DYRK1A: variants seen among roughly 807,000 people sequenced by gnomAD.
DYRK1A encodes the protein dual specificity tyrosine phosphorylation regulated kinase 1A.
A neutral mutation model predicts 79.7 loss-of-function variants in DYRK1A; 9 were observed. That is an observed-to-expected ratio of 0.11 (90% CI 0.07 to 0.20). The LOEUF is 0.20. DYRK1A is among the 10% of genes least tolerant of loss of function. The pLI is 1.00. For missense variants in DYRK1A, 622 were observed against 956.0 expected, an observed-to-expected ratio of 0.65 and a Z score of 4.61; for synonymous variants, 349 against 329.7, an observed-to-expected ratio of 1.06 and a Z score of -0.63.
intron 5 of DYRK1A, among the ~76,000 whole-genome samples, chr21:37,483,463 T>G (rs1424746570): frequency 6.6e-6 from 1 of 152,268 alleles, no homozygotes; most frequent in Non-Finnish European, 1.5e-5. Flanking sequence ...CTTCTTCCCA[T>G]GATTTGAAAG....
At chr21:37,454,546 A>G (rs2051571131) in intron 2 of DYRK1A, among the ~76,000 whole-genome samples, 1 of 152,228 alleles carries the variant, frequency 6.6e-6, no homozygotes, top group South Asian at 2.1e-4. Context: ...TTAGGTTATG[A>G]CCTCACATTT....
chr21:37,385,956 T>C (rs1165924252), intron 1 of DYRK1A, among the ~76,000 whole-genome samples: 1 of 150,874 alleles, frequency 6.6e-6, no homozygotes, highest in Admixed American at 6.6e-5. Context: ...TAGGAAACCT[T>C]CTTTGCACCC....
chr21:37,388,381 C>T (rs2049803360), intron 1 of DYRK1A, among the ~76,000 whole-genome samples: 1 of 151,914 alleles, frequency 6.6e-6, no homozygotes, highest in South Asian at 2.1e-4. Flanking sequence ...ACCAGCCTGA[C>T]CCTGCCTCTT....
At chr21:37,416,194 A>G (rs1288390502) in intron 1 of DYRK1A, among the ~76,000 whole-genome samples, 2 of 152,164 alleles carry the variant, frequency 1.3e-5, no homozygotes, top group Non-Finnish European at 2.9e-5. Context: ...CAACGTCTAT[A>G]AAATGCCTTA....
chr21:37,410,417 A>T (rs2050221704), intron 1 of DYRK1A, among the ~76,000 whole-genome samples: 1 of 152,254 alleles, frequency 6.6e-6, no homozygotes, highest in African/African-American at 2.4e-5. Context: ...GTTTATCATG[A>T]CAATTCTTTG....
intron 2 of DYRK1A, among the ~76,000 whole-genome samples, chr21:37,461,521 A>G (rs9980174): frequency 0.036 from 5,497 of 152,148 alleles, 145 homozygotes; most frequent in Middle Eastern, 0.068. Flanking sequence ...GTCTGGAATC[A>G]TTTTCCTTCT....
At chr21:37,382,990 T>G (rs2049688686) in intron 1 of DYRK1A, among the ~76,000 whole-genome samples, 1 of 152,212 alleles carries the variant, frequency 6.6e-6, no homozygotes, top group Non-Finnish European at 1.5e-5. Context: ...TTTCTGTGTT[T>G]GGGGAAGTCT....
chr21:37,515,875 A>T lies in DYRK1A; in HGVS notation c.*3344A>T, dbSNP rs2053875509. The T allele has an allele frequency of 6.6e-6, 1 of 152,140 alleles. No homozygotes were observed. The highest frequency in any genetic ancestry group is 2.4e-5 in the African/African-American group (1 of 41,418). The allele number at this position is 152,140 out of a possible 1,614,324, so 9.4% of individuals were successfully genotyped here. On this transcript the variant is annotated 3_prime_UTR_variant, in exon 12 of 12. Transcript: ENST00000647188. ...TTTTATTTAAAACTACATGTAAAAA[A>T]TCATGAAAGATTCAGTAATTATGTT... is the stretch of plus-strand genomic sequence containing the variant.
At chr21:37,422,617 T>C (rs1363892929) in intron 2 of DYRK1A, among the ~76,000 whole-genome samples, 1 of 152,160 alleles carries the variant, frequency 6.6e-6, no homozygotes, top group African/African-American at 2.4e-5. Flanking sequence ...GAAGTAGGCC[T>C]TGGCTGATGG....
chr21:37,481,163 C>A, intron 5 of DYRK1A: 1 of 168,364 alleles, frequency 5.9e-6, no homozygotes, highest in Non-Finnish European at 1.3e-5. Flanking sequence ...GAGGTATTTA[C>A]CTTCTTGTCC....
At chr21:37,494,916 C>G (rs1448998206) in intron 8 of DYRK1A, among the ~76,000 whole-genome samples, 2 of 147,344 alleles carry the variant, frequency 1.4e-5, no homozygotes, top group African/African-American at 2.5e-5. Context: ...CCACTGCCCT[C>G]TAGCTTGGGA....
Position 37,403,500 on chromosome 21 carries a change from AGTGCAGTG to A in DYRK1A, c.-76-16775_-76-16768del, listed in dbSNP as rs769360351. 2.7e-3 allele frequency among the ~76,000 whole-genome samples: 409 copies of A among 152,052 alleles called. 1 individual carries two copies. The highest frequency in any genetic ancestry group is 7.3e-3 in the African/African-American group (303 of 41,470). On this transcript the variant is annotated intron_variant, in intron 1 of 11. Coordinates refer to ENST00000647188, the MANE Select transcript of DYRK1A (RefSeq NM_001347721.2). Reference sequence around the variant, plus strand: ...GGTCTTGTTCTGTCACCCAGTCTGGAGTGCAGTGGTGCAGTGGTGCAGTGGTGCAGTCA... The same window carrying A: ...GGTCTTGTTCTGTCACCCAGTCTGGAGTGCAGTGGTGCAGTGGTGCAGTCA...
chr21:37,367,677 C>T (rs1328637812), intron 1 of DYRK1A, 49 bp downstream of exon 1: 1 of 146,050 alleles, frequency 6.8e-6, no homozygotes, highest in Non-Finnish European at 1.5e-5. Context: ...CGCTCGGCTC[C>T]CCCGGCGGCC....
At chr21:37,453,242 T>G (rs1037621271) in intron 2 of DYRK1A, among the ~76,000 whole-genome samples, 2 of 152,270 alleles carry the variant, frequency 1.3e-5, no homozygotes, top group African/African-American at 2.4e-5. Context: ...TTTATGTTGC[T>G]AAGTCCTTAA....
chr21:37,500,894 C>G (rs1473655845), intron 9 of DYRK1A, among the ~76,000 whole-genome samples: 1 of 150,622 alleles, frequency 6.6e-6, no homozygotes, highest in Non-Finnish European at 1.5e-5. Context: ...GTTTATTAAT[C>G]TTTGCAGACA....
intron 2 of DYRK1A, among the ~76,000 whole-genome samples, chr21:37,451,684 C>T (rs536257595): frequency 1.3e-5 from 2 of 151,946 alleles, no homozygotes; most frequent in South Asian, 4.1e-4. Context: ...GTAGGCTCCA[C>T]TGTCTAGCGT....
At position 37,520,321 on chromosome 21, in the gene DYRK1A, A is replaced by C. The variant is rs1000096595; in HGVS notation, c.*7790A>C. On this transcript the variant is annotated 3_prime_UTR_variant, in exon 12 of 12. Transcript: ENST00000647188. Reference sequence around the variant, plus strand: ...TGAGGGTGACAGAAATCAGCTCTTAAGTTTATAAATAAAACAGGGATATTA... The same window carrying C: ...TGAGGGTGACAGAAATCAGCTCTTACGTTTATAAATAAAACAGGGATATTA... 6.6e-6 allele frequency: 1 copy of C among 152,236 alleles called. No individual in the cohort carries two copies. The highest frequency in any genetic ancestry group is 2.4e-5 in the African/African-American group (1 of 41,462). The allele number at this position is 152,236 out of a possible 1,614,324, so 9.4% of individuals were successfully genotyped here. A position where few individuals can be genotyped will look rare whatever the true frequency, so the allele number is the denominator to read the frequency against.
At position 37,452,811 on chromosome 21, in the gene DYRK1A, A is replaced by G. The variant is rs576576174; in HGVS notation, c.11-19873A>G. Among the ~76,000 whole-genome samples, 273 of 150,212 alleles carry G rather than the reference A, an allele frequency of 1.8e-3. 1 individual carries two copies. Among genetic ancestry groups the G allele is most frequent in the Admixed American group, 3.8e-3 (57 of 15,092 alleles). ...ATTCTTCTGTGCCCAGCAAAATACAAACTCCAGGAGGCCTGAGATTTGGCC... is the reference window on the plus strand; with the variant it reads ...ATTCTTCTGTGCCCAGCAAAATACAGACTCCAGGAGGCCTGAGATTTGGCC... On this transcript the variant is annotated intron_variant, in intron 2 of 11. Transcript: ENST00000647188.
chr21:37,483,516 T>C (rs868681636), intron 5 of DYRK1A, among the ~76,000 whole-genome samples: 24 of 152,222 alleles, frequency 1.6e-4, no homozygotes, highest in African/African-American at 5.1e-4. Flanking sequence ...TTTCCTTGAA[T>C]TATAACCTCT....
Sources: gnomAD v4.1 joint callset for allele counts (sites outside exome capture counted in the v4.1 genomes callset) on GRCh38, gnomAD v4.1.1 for gene constraint, MANE v1.5 for transcripts, NCBI Gene and HGNC (gene_info 2026-07-23, HGNC 2026-07-21) for gene names.